Variants in MAP4 observed in about 807,000 individuals in gnomAD.
MAP4 encodes microtubule-associated protein 4.
MAP4 carries 76 observed loss-of-function variants against 170.2 expected under a neutral mutation model. The observed-to-expected ratio is 0.45, with a 90% confidence interval of 0.37 to 0.54. The LOEUF is 0.54. MAP4 is among the 20% of genes least tolerant of loss of function. The probability of loss-of-function intolerance (pLI) is 0.00; values close to 1 mark genes in which losing one functional copy is unlikely to be tolerated. For synonymous variants in MAP4, 909 were observed against 994.5 expected, an observed-to-expected ratio of 0.91 and a Z score of 1.62; for missense variants, 2,506 against 2,748.0, an observed-to-expected ratio of 0.91 and a Z score of 1.97.
Position 47,909,533 on chromosome 3 carries a change from C to T in MAP4, c.4888G>A (p.Ala1630Thr), listed in dbSNP as rs1189885647. The change falls in exon 9 of 21, where the codon GCA becomes ACA. Residue 1630 changes from alanine to threonine, a missense_variant. By Grantham distance (58) the Ala-to-Thr change is moderately conservative. Coordinates refer to ENST00000683076, the MANE Select transcript of MAP4 (RefSeq NM_001385682.1). Reference protein sequence around the residue: ...VQIPDLLEDKAQKLSFCEDQN... With the variant: ...VQIPDLLEDKTQKLSFCEDQN... ...TCCTCACAAAAACTGAGCTTTTGTG[C>T]TTTGTCTTCCAGTAAGTCAGGAATC... The T allele has an allele frequency of 1.2e-6, 2 of 1,612,820 alleles. No homozygotes were observed. Among genetic ancestry groups the T allele is most frequent in the Admixed American group, 1.7e-5 (1 of 60,028 alleles).
chr3:47,905,323 T>C (rs1282464753), intron 9 of MAP4, among the ~76,000 whole-genome samples: 2 of 152,004 alleles, frequency 1.3e-5, no homozygotes, highest in Non-Finnish European at 2.9e-5. Flanking sequence ...GGGCAAGGGG[T>C]TGGGCTAGCC....
intron 1 of MAP4, among the ~76,000 whole-genome samples, chr3:48,086,004 A>C (rs1028863906): frequency 2.0e-5 from 3 of 152,148 alleles, no homozygotes; most frequent in Non-Finnish European, 4.4e-5. Context: ...GTGAGCTGAG[A>C]TCGTGCCACT....
chr3:47,883,170 C>G (rs1480947713), intron 10 of MAP4, among the ~76,000 whole-genome samples: 1 of 152,104 alleles, frequency 6.6e-6, no homozygotes, highest in Non-Finnish European at 1.5e-5. Context: ...GATGGCATTA[C>G]AATTTGTGCT....
intron 1 of MAP4, among the ~76,000 whole-genome samples, chr3:48,067,248 C>T (rs914023876): frequency 2.0e-5 from 3 of 152,076 alleles, no homozygotes; most frequent in Admixed American, 6.6e-5. Flanking sequence ...CCTCTTAAAA[C>T]TGAACACTCT....
At chr3:47,950,094 G>A (rs988598085) in intron 3 of MAP4, among the ~76,000 whole-genome samples, 14 of 152,142 alleles carry the variant, frequency 9.2e-5, no homozygotes, top group Admixed American at 4.6e-4. Context: ...CTGAATCTCC[G>A]CCTTGGGTAG....
chr3:47,979,158 T>C (rs2100083929), intron 2 of MAP4, among the ~76,000 whole-genome samples: 1 of 152,072 alleles, frequency 6.6e-6, no homozygotes, highest in South Asian at 2.1e-4. Context: ...TTAAATTTTG[T>C]ATATGGTGTA....
At chr3:48,087,571 C>G (rs1295048977) in intron 1 of MAP4, among the ~76,000 whole-genome samples, 1 of 152,160 alleles carries the variant, frequency 6.6e-6, no homozygotes, top group Non-Finnish European at 1.5e-5. Context: ...ACTATTCACC[C>G]TCCTCCTGGG....
chr3:47,936,585 C>A (rs745689877), intron 3 of MAP4, among the ~76,000 whole-genome samples: 1 of 151,546 alleles, frequency 6.6e-6, no homozygotes, highest in Non-Finnish European at 1.5e-5. Context: ...TAATGGCACA[C>A]GTAACATTGA....
At chr3:48,054,065 A>G (rs1007055718) in intron 1 of MAP4, among the ~76,000 whole-genome samples, 8 of 151,930 alleles carry the variant, frequency 5.3e-5, no homozygotes, top group African/African-American at 1.9e-4. Context: ...AAACTTTGGA[A>G]GGCCGAGGCA....
At chr3:47,998,905 A>G (rs775196955) in intron 1 of MAP4, 26 bp from the exon 2 acceptor site, 3 of 1,324,146 alleles carry the variant, frequency 2.3e-6, no homozygotes, top group Admixed American at 3.4e-5. Context: ...AAGATCTTTC[A>G]TGTAACGAGC....
intron 3 of MAP4, among the ~76,000 whole-genome samples, chr3:47,970,420 G>A (rs1454194657): frequency 6.6e-6 from 1 of 152,188 alleles, no homozygotes; most frequent in Non-Finnish European, 1.5e-5. Context: ...AGGAGGTGGA[G>A]GTTGTGGTGA....
intron 3 of MAP4, among the ~76,000 whole-genome samples, chr3:47,929,834 G>C (rs1398263063): frequency 6.6e-6 from 1 of 151,754 alleles, no homozygotes; most frequent in East Asian, 1.9e-4. Flanking sequence ...GCTTTTCAAA[G>C]ATGCTATTAA....
chr3:48,076,236 C>A (rs1048377156), intron 1 of MAP4, among the ~76,000 whole-genome samples: 3 of 151,832 alleles, frequency 2.0e-5, no homozygotes, highest in African/African-American at 7.3e-5. Context: ...GTGGCTCACG[C>A]CTGTAATCCT....
chr3:47,962,338 T>G (rs899487186), intron 3 of MAP4, among the ~76,000 whole-genome samples: 1 of 152,200 alleles, frequency 6.6e-6, no homozygotes, highest in African/African-American at 2.4e-5. Context: ...TAAGCCCCAG[T>G]CTGGGGGCTT....
intron 12 of MAP4, 111 bp from the exon 13 acceptor site, chr3:47,872,211 T>C: frequency 9.8e-7 from 1 of 1,018,916 alleles, no homozygotes; most frequent in Non-Finnish European, 1.4e-6. Context: ...GGAGACGAAG[T>C]CTCACTCTGT....
In MAP4 at chr3:47,872,209, A is replaced by C. The variant is rs1576863807; in HGVS notation, c.5758-109T>G. 14 of 1,040,000 alleles carry C rather than the reference A, an allele frequency of 1.3e-5. No homozygotes were observed. In the East Asian group the frequency reaches 2.9e-4, roughly 22 times the overall value. 64.4% of individuals were successfully genotyped at this position (1,040,000 alleles called of 1,614,324 possible). A position where few individuals can be genotyped will look rare whatever the true frequency, so the allele number is the denominator to read the frequency against. The stretch of plus-strand genomic sequence containing the variant: ...TGTTTTGTTTTGTTTTTGGAGACGA[A>C]GTCTCACTCTGTTGCCCAGGCTGGA... On this transcript the variant is annotated intron_variant, in intron 12 of 20. Transcript: ENST00000683076.
At chr3:47,921,953 C>CTT (rs1265575803) in intron 4 of MAP4, 75 bp from the exon 5 acceptor site, 178 of 605,906 alleles carry the variant, frequency 2.9e-4, no homozygotes, top group Middle Eastern at 5.6e-4. Context: ...TTCTTTCTTT[C>CTT]TTTTTTTTTT....
chr3:48,072,898 T>C (rs2100141711), intron 1 of MAP4, among the ~76,000 whole-genome samples: 1 of 152,138 alleles, frequency 6.6e-6, no homozygotes. Flanking sequence ...TGAAGTATGG[T>C]CTCTGACTTC....
At chr3:47,945,993 G>A (rs1017109780) in intron 3 of MAP4, among the ~76,000 whole-genome samples, 3 of 151,908 alleles carry the variant, frequency 2.0e-5, no homozygotes, top group Non-Finnish European at 4.4e-5. Context: ...GGAGTGCAGT[G>A]GCACAATTTC....
Sources: gnomAD v4.1 joint callset for allele counts (sites outside exome capture counted in the v4.1 genomes callset) on GRCh38, gnomAD v4.1.1 for gene constraint, MANE v1.5 for transcripts, NCBI Gene and HGNC (gene_info 2026-07-23, HGNC 2026-07-21) for gene names.